RIMS2: variants seen among roughly 807,000 people sequenced by gnomAD.
RIMS2 encodes the protein regulating synaptic membrane exocytosis protein 2.
A neutral mutation model predicts 174.4 loss-of-function variants in RIMS2; 59 were observed. That is an observed-to-expected ratio of 0.34 (90% confidence interval 0.27 to 0.42). RIMS2 has a LOEUF of 0.42. RIMS2 is among the 10% of genes least tolerant of loss of function. The probability of loss-of-function intolerance (pLI) is 1.00; values close to 1 mark genes in which losing one functional copy is unlikely to be tolerated. For synonymous variants in RIMS2, 606 were observed against 572.5 expected (o/e 1.06, Z -0.84); for missense variants, 1,620 against 1,666.3 (o/e 0.97, Z 0.48).
At chr8:103,698,794 A>G (rs1172653894) in intron 2 of RIMS2, among the ~76,000 whole-genome samples, 4 of 151,836 alleles carry the variant, frequency 2.6e-5, no homozygotes, top group Non-Finnish European at 4.4e-5. Context: ...TTTGTTTACA[A>G]CTTTTGCTTC....
intron 19 of RIMS2, among the ~76,000 whole-genome samples, chr8:104,178,438 G>A (rs1483479261): frequency 6.6e-6 from 1 of 151,976 alleles, no homozygotes; most frequent in African/African-American, 2.4e-5. Context: ...TTTCCACCTT[G>A]TCTCCCGTTT....
At chr8:103,621,961 T>TTTGGGTAA (rs2095645508) in intron 1 of RIMS2, among the ~76,000 whole-genome samples, 3 of 152,182 alleles carry the variant, frequency 2.0e-5, no homozygotes, top group Admixed American at 2.0e-4. Context: ...AATAATTGGT[T>TTTGGGTAA]CCAAAATGAT....
At chr8:103,741,588 G>A (rs2097762189) in intron 2 of RIMS2, among the ~76,000 whole-genome samples, 1 of 152,002 alleles carries the variant, frequency 6.6e-6, no homozygotes. Flanking sequence ...CAAAAAAGCT[G>A]TACCAAGACT....
At chr8:103,951,994 G>T (rs2085514964) in intron 14 of RIMS2, among the ~76,000 whole-genome samples, 1 of 152,186 alleles carries the variant, frequency 6.6e-6, no homozygotes, top group Non-Finnish European at 1.5e-5. Context: ...CAGGAAGTTT[G>T]AACTGGGTGG....
chr8:103,857,788 C>T (rs1030424378), intron 3 of RIMS2, among the ~76,000 whole-genome samples: 2 of 152,290 alleles, frequency 1.3e-5, no homozygotes, highest in Middle Eastern at 3.4e-3. Context: ...TATTACAACT[C>T]TCTTCTCACT....
intron 1 of RIMS2, among the ~76,000 whole-genome samples, chr8:103,692,166 C>T (rs1355084693): frequency 6.6e-6 from 1 of 152,142 alleles, no homozygotes; most frequent in South Asian, 2.1e-4. Flanking sequence ...AAAGCCAGCC[C>T]AGCCTTGTGC....
chr8:103,731,528 A>G (rs1196880212), intron 2 of RIMS2, among the ~76,000 whole-genome samples: 1 of 152,132 alleles, frequency 6.6e-6, no homozygotes, highest in Non-Finnish European at 1.5e-5. Context: ...ATCCCTTTGA[A>G]CAAACTTTCT....
At chr8:103,953,640 C>A (rs1223059099) in intron 14 of RIMS2, among the ~76,000 whole-genome samples, 1 of 152,100 alleles carries the variant, frequency 6.6e-6, no homozygotes, top group East Asian at 1.9e-4. Context: ...CCAGCCACTG[C>A]AAAAACACAC....
intron 1 of RIMS2, among the ~76,000 whole-genome samples, chr8:103,529,930 A>G (rs1361281440): frequency 2.6e-5 from 4 of 152,206 alleles, no homozygotes; most frequent in East Asian, 1.9e-4. Context: ...ACTCATTGCT[A>G]TGGAAGGCTA....
intron 1 of RIMS2, among the ~76,000 whole-genome samples, chr8:103,687,988 C>G (rs1043168277): frequency 1.3e-5 from 2 of 152,034 alleles, no homozygotes; most frequent in Non-Finnish European, 2.9e-5. Context: ...ATGGATATCT[C>G]TTCAACATAC....
intron 3 of RIMS2, among the ~76,000 whole-genome samples, chr8:103,785,789 A>T (rs1006988548): frequency 5.3e-5 from 8 of 152,162 alleles, no homozygotes; most frequent in Non-Finnish European, 8.8e-5. Context: ...CCTCATAAAA[A>T]GAGTTAGGGA....
At chr8:104,152,125 A>G (rs1434071679) in intron 19 of RIMS2, among the ~76,000 whole-genome samples, 1 of 152,172 alleles carries the variant, frequency 6.6e-6, no homozygotes, top group African/African-American at 2.4e-5. Flanking sequence ...ACTGATTTTC[A>G]TGTATGAGTA....
chr8:103,736,338 G>A (rs2097685512), intron 2 of RIMS2, among the ~76,000 whole-genome samples: 2 of 152,148 alleles, frequency 1.3e-5, no homozygotes, highest in African/African-American at 2.4e-5. Flanking sequence ...GTCCCATGGG[G>A]CTACATTTTA....
chr8:103,895,297 A>T (rs2099271206), intron 4 of RIMS2, among the ~76,000 whole-genome samples: 1 of 151,194 alleles, frequency 6.6e-6, no homozygotes, highest in Non-Finnish European at 1.5e-5. Context: ...CCAAATTACC[A>T]TAGACTGGAT....
At chr8:104,040,700 T>C (rs2096593865) in intron 19 of RIMS2, among the ~76,000 whole-genome samples, 1 of 151,806 alleles carries the variant, frequency 6.6e-6, no homozygotes, top group Non-Finnish European at 1.5e-5. Flanking sequence ...GTATTTCAGC[T>C]ACTCTTCTAG....
intron 1 of RIMS2, chr8:103,568,498 A>G (rs528146254): frequency 3.5e-6 from 1 of 284,894 alleles, no homozygotes; most frequent in African/African-American, 2.2e-5. Context: ...CAGAATTCTT[A>G]ATGTTGTTGG....
At chr8:103,886,244 T>G (rs766545248) in intron 4 of RIMS2, 21 bp downstream of exon 7, 3 of 1,579,722 alleles carry the variant, frequency 1.9e-6, no homozygotes, top group South Asian at 2.3e-5. Context: ...TAATCATACA[T>G]TTTGCTGTAA....
At chr8:103,734,089 T>C (rs2097650772) in intron 2 of RIMS2, among the ~76,000 whole-genome samples, 1 of 143,914 alleles carries the variant, frequency 6.9e-6, no homozygotes, top group African/African-American at 2.6e-5. Context: ...CTTTGCTCAC[T>C]GCAACCTCCG....
intron 6 of RIMS2, among the ~76,000 whole-genome samples, chr8:103,912,420 T>A (rs939851557): frequency 7.9e-5 from 12 of 152,180 alleles, no homozygotes. Flanking sequence ...CTAATTAAGA[T>A]CTACTTGAAT....
Sources: gnomAD v4.1 joint callset for allele counts (sites outside exome capture counted in the v4.1 genomes callset) on GRCh38, gnomAD v4.1.1 for gene constraint, MANE v1.5 for transcripts, NCBI Gene and HGNC (gene_info 2026-07-23, HGNC 2026-07-21) for gene names.